RBFOX1: variants seen among roughly 807,000 people sequenced by gnomAD.
RBFOX1 encodes RNA binding protein fox-1 homolog 1.
RBFOX1 carries 8 observed loss-of-function variants against 57.7 expected under a neutral mutation model. The observed-to-expected ratio is 0.14, with a 90% CI of 0.08 to 0.25. The LOEUF (loss-of-function observed/expected upper bound fraction) is 0.25, where lower values mean the gene tolerates loss of function less well. Ranked by LOEUF, RBFOX1 falls within the 10% of genes least tolerant of loss-of-function variation. The pLI is 1.00. For synonymous variants in RBFOX1, 326 were observed against 222.4 expected (o/e 1.47, Z -4.15); for missense variants, 611 against 548.5 (o/e 1.11, Z -1.14).
chr16:5,456,866 C>T (rs892526518), intron 1 of RBFOX1, among the ~76,000 whole-genome samples: 3 of 152,202 alleles, frequency 2.0e-5, no homozygotes, highest in Non-Finnish European at 4.4e-5. Context: ...TCAAGCCACT[C>T]CCCACTTCTC....
intron 4 of RBFOX1, among the ~76,000 whole-genome samples, chr16:5,923,948 T>C (rs983251270): frequency 6.6e-6 from 1 of 152,296 alleles, no homozygotes; most frequent in Admixed American, 6.5e-5. Flanking sequence ...ACACAAAATC[T>C]CATCTTGAAT....
intron 4 of RBFOX1, among the ~76,000 whole-genome samples, chr16:7,151,897 C>G (rs766998621): frequency 4.6e-5 from 7 of 152,132 alleles, no homozygotes; most frequent in Non-Finnish European, 8.8e-5. Context: ...GCCGATCTGA[C>G]AGGAGGTGGT....
intron 3 of RBFOX1, among the ~76,000 whole-genome samples, chr16:6,657,918 T>C (rs1172405667): frequency 1.3e-5 from 2 of 152,150 alleles, no homozygotes; most frequent in Non-Finnish European, 2.9e-5. Flanking sequence ...CTTTATTTTT[T>C]ATTATTTTTT....
chr16:6,122,447 C>G (rs2096557853), intron 1 of RBFOX1, among the ~76,000 whole-genome samples: 1 of 151,992 alleles, frequency 6.6e-6, no homozygotes, highest in African/African-American at 2.4e-5. Context: ...AACAAATGCA[C>G]TTTATGAATT....
chr16:6,578,598 C>CGTGTGTGTGTGTGTGTGTGTGTGT (rs57470848), intron 2 of RBFOX1, among the ~76,000 whole-genome samples: 5 of 110,664 alleles, frequency 4.5e-5, no homozygotes, highest in East Asian at 3.6e-4. Flanking sequence ...GGTGTGTGTG[C>CGTGTGTGTGTGTGTGTGTGTGTGT]GTGTGTGTGT....
intron 3 of RBFOX1, among the ~76,000 whole-genome samples, chr16:6,758,849 C>T (rs1042569133): frequency 6.6e-6 from 1 of 151,996 alleles, no homozygotes; most frequent in Non-Finnish European, 1.5e-5. Flanking sequence ...ATGTGTTTAC[C>T]CTAATTAGAT....
chr16:6,660,200 G>T (rs544689779), intron 3 of RBFOX1, among the ~76,000 whole-genome samples: 2 of 151,150 alleles, frequency 1.3e-5, no homozygotes, highest in South Asian at 4.2e-4. Context: ...CTTCAGCCTG[G>T]GCAATAAGAG....
chr16:7,563,466 G>GT (rs750569450), intron 5 of RBFOX1, among the ~76,000 whole-genome samples: 3 of 152,052 alleles, frequency 2.0e-5, no homozygotes, highest in South Asian at 2.1e-4. Flanking sequence ...ATATATACAT[G>GT]TTTTTTTCTT....
intron 1 of RBFOX1, among the ~76,000 whole-genome samples, chr16:5,303,352 C>G (rs562295276): frequency 1.1e-4 from 16 of 152,246 alleles, no homozygotes; most frequent in Non-Finnish European, 2.2e-4. Context: ...ATAAGCCATA[C>G]AAGCCTCCAT....
chr16:7,644,364 T>C (rs1667824576), intron 11 of RBFOX1, among the ~76,000 whole-genome samples: 1 of 152,200 alleles, frequency 6.6e-6, no homozygotes, highest in African/African-American at 2.4e-5. Context: ...TTTCTCCACC[T>C]GATAATGGAG....
intron 4 of RBFOX1, among the ~76,000 whole-genome samples, chr16:5,978,546 C>T (rs2060111934): frequency 6.6e-6 from 1 of 152,124 alleles, no homozygotes; most frequent in Non-Finnish European, 1.5e-5. Flanking sequence ...CTGGTGTTTC[C>T]ATTAATCACC....
At position 7,483,101 on chromosome 16, in the gene RBFOX1, C is replaced by G. The variant is rs113387437; in HGVS notation, c.28-35046C>G. Among the ~76,000 whole-genome samples, 494 of 152,266 alleles carry G rather than the reference C, an allele frequency of 3.2e-3. 3 individuals carry two copies. Among genetic ancestry groups the G allele is most frequent in the African/African-American group, 0.011 (455 of 41,538 alleles). On this transcript the variant is annotated intron_variant, in intron 4 of 15. Coordinates refer to ENST00000550418, the MANE Select transcript of RBFOX1 (RefSeq NM_018723.4). ...AGGTGCTACCCTTTTATTCACCTTC[C>G]TCAAGTTAGAAGAACTGTTTCTCCA...
intron 4 of RBFOX1, among the ~76,000 whole-genome samples, chr16:7,059,193 C>G (rs79974173): frequency 6.6e-6 from 1 of 152,172 alleles, no homozygotes; most frequent in Non-Finnish European, 1.5e-5. Context: ...TACCTTCTCC[C>G]GCTGTGTCTC....
intron 1 of RBFOX1, among the ~76,000 whole-genome samples, chr16:6,108,684 A>C (rs1002636443): frequency 2.0e-5 from 3 of 152,146 alleles, no homozygotes; most frequent in Non-Finnish European, 4.4e-5. Flanking sequence ...TAGAGGTGCT[A>C]CTGGGCCTAT....
intron 2 of RBFOX1, among the ~76,000 whole-genome samples, chr16:6,575,493 C>G (rs1487280617): frequency 6.6e-6 from 1 of 152,096 alleles, no homozygotes; most frequent in Non-Finnish European, 1.5e-5. Flanking sequence ...CACTGATCTT[C>G]TAAATAAAGA....
At chr16:6,211,085 A>C (rs1405236155) in intron 1 of RBFOX1, among the ~76,000 whole-genome samples, 4 of 151,462 alleles carry the variant, frequency 2.6e-5, no homozygotes, top group Non-Finnish European at 5.9e-5. Context: ...ACATCAAGAA[A>C]GATCTTAGAC....
intron 4 of RBFOX1, among the ~76,000 whole-genome samples, chr16:7,196,314 A>G (rs1199992839): frequency 6.6e-6 from 1 of 152,160 alleles, no homozygotes; most frequent in Admixed American, 6.5e-5. Context: ...TTCATCCTGA[A>G]GATGTCTCAG....
chr16:7,056,444 A>G (rs1230075287), intron 4 of RBFOX1, among the ~76,000 whole-genome samples: 3 of 152,158 alleles, frequency 2.0e-5, no homozygotes, highest in Admixed American at 6.5e-5. Context: ...TCCTGATCCT[A>G]TAGGCTGTAT....
intron 3 of RBFOX1, among the ~76,000 whole-genome samples, chr16:7,017,753 A>C (rs1462923850): frequency 2.0e-5 from 3 of 152,130 alleles, no homozygotes; most frequent in African/African-American, 7.2e-5. Flanking sequence ...GCCAACTTCC[A>C]AACAAACACT....
Sources: gnomAD v4.1 joint callset for allele counts (sites outside exome capture counted in the v4.1 genomes callset) on GRCh38, gnomAD v4.1.1 for gene constraint, MANE v1.5 for transcripts, NCBI Gene and HGNC (gene_info 2026-07-23, HGNC 2026-07-21) for gene names.